ATAD5: variants seen among roughly 807,000 people sequenced by gnomAD.
The protein encoded by ATAD5 is ATPase family AAA domain-containing protein 5.
Under a neutral mutation model 176.9 loss-of-function variants are expected in ATAD5, and 58 were observed. The observed-to-expected ratio is 0.33, with a 90% CI of 0.27 to 0.41. The LOEUF is 0.41. ATAD5 is among the 10% of genes least tolerant of loss of function. ATAD5 has a pLI of 1.00. For missense variants in ATAD5, 1,789 were observed against 2,094.1 expected (o/e 0.85, Z 2.84); for synonymous variants, 640 against 712.6 (o/e 0.90, Z 1.62).
In ATAD5 at chr17:30,835,555, C is replaced by T; in HGVS notation, c.1474C>T (p.Pro492Ser). ...GAAAACATTAGATACTGGGGCTATT[C>T]CAGGCAAAAACAGAGAGGGAAACAC... ...NKKTLDTGAI[P>S]GKNREGNTQK... Residue 492 changes from proline (P) to serine (S), a missense_variant, in exon 2 of 23, where the codon CCA (proline) becomes TCA (serine). Coordinates refer to ENST00000321990, the MANE Select transcript of ATAD5 (RefSeq NM_024857.5). 6.2e-7 allele frequency: 1 copy of T among 1,611,264 alleles called. No homozygotes were observed.
intron 7 of ATAD5, among the ~76,000 whole-genome samples, chr17:30,855,758 C>G (rs553476524): frequency 6.7e-4 from 102 of 151,810 alleles, no homozygotes; most frequent in Non-Finnish European, 1.3e-3. Context: ...ACTCGGGAGG[C>G]TGAGGTGGGA....
At chr17:30,876,590 T>C in intron 15 of ATAD5, 40 bp downstream of exon 15, 1 of 1,320,746 alleles carries the variant, frequency 7.6e-7, no homozygotes. Flanking sequence ...TTTTTAATAA[T>C]AATGACCCTT....
chr17:30,845,932 G>A (rs1248294182), intron 6 of ATAD5, among the ~76,000 whole-genome samples: 1 of 152,168 alleles, frequency 6.6e-6, no homozygotes, highest in Non-Finnish European at 1.5e-5. Context: ...TAGTTTATGC[G>A]CCTGGGTGGC....
At chr17:30,852,575 A>G (rs1335723546) in intron 6 of ATAD5, among the ~76,000 whole-genome samples, 1 of 152,146 alleles carries the variant, frequency 6.6e-6, no homozygotes, top group Admixed American at 6.6e-5. Flanking sequence ...ATAGAGAAAA[A>G]GAGGTTTATT....
rs775323434 is a variant in ATAD5, at chr17:30,860,478, T to C, written c.3002T>C (p.Val1001Ala). The C allele has an allele frequency of 6.3e-7, 1 of 1,599,506 alleles. No homozygotes were observed. The change falls in exon 10 of 23, where the codon GTA (valine) becomes GCA (alanine). Residue 1001 changes from valine to alanine, a missense_variant. Transcript: ENST00000321990. ...CATAAAGAAACCAAAAGGAAACTCG[T>C]AGAAGCAGAAAATTCTAAGTCAAAA... ...VSHKETKRKLVEAENSKSKRK... is the reference protein window; with the variant it reads ...VSHKETKRKLAEAENSKSKRK...
intron 7 of ATAD5, 143 bp downstream of exon 7, chr17:30,855,470 T>A: frequency 1.1e-6 from 1 of 893,840 alleles, no homozygotes; most frequent in Non-Finnish European, 1.6e-6. Context: ...ACAATTTCTC[T>A]CACTATCCAT....
intron 14 of ATAD5, among the ~76,000 whole-genome samples, chr17:30,870,652 G>A (rs925976778): frequency 2.6e-5 from 4 of 152,158 alleles, no homozygotes; most frequent in African/African-American, 7.2e-5. Flanking sequence ...CACCAGAAAT[G>A]CTTCATTCAT....
chr17:30,848,415 A>G (rs146830267), intron 6 of ATAD5, among the ~76,000 whole-genome samples: 2,841 of 151,860 alleles, frequency 0.019, 107 homozygotes, highest in African/African-American at 0.065. Flanking sequence ...ATGCCCCACT[A>G]ATTTTTTGTA....
At chr17:30,850,057 C>G (rs1906773004) in intron 6 of ATAD5, among the ~76,000 whole-genome samples, 1 of 152,070 alleles carries the variant, frequency 6.6e-6, no homozygotes, top group Non-Finnish European at 1.5e-5. Context: ...AGGAGGATCA[C>G]ATGAGCCTGG....
intron 11 of ATAD5, among the ~76,000 whole-genome samples, chr17:30,867,010 G>A (rs1284429209): frequency 6.6e-6 from 1 of 151,654 alleles, no homozygotes; most frequent in East Asian, 1.9e-4. Flanking sequence ...AGTTAATAGC[G>A]TGAACTTGGT....
At chr17:30,894,272 A>C in intron 21 of ATAD5, 122 bp downstream of exon 21, 1 of 890,496 alleles carries the variant, frequency 1.1e-6, no homozygotes, top group South Asian at 2.1e-5. Flanking sequence ...TAACATTAAT[A>C]ATGTAGCTTC....
At chr17:30,869,118 G>A (rs1260553957) in intron 12 of ATAD5, 130 bp from the exon 13 acceptor site, 14 of 1,093,352 alleles carry the variant, frequency 1.3e-5, no homozygotes, top group Admixed American at 1.1e-4. Flanking sequence ...GTGCCACTGC[G>A]TCCGGCCTGT....
In ATAD5 at chr17:30,894,123, A is replaced by C. The variant is rs1567703047; in HGVS notation, c.5270A>C (p.Tyr1757Ser). 6.4e-7 allele frequency: 1 copy of C among 1,570,000 alleles called. No individual in the cohort carries two copies. The highest frequency in any genetic ancestry group is 8.6e-7 in the Non-Finnish European group (1 of 1,156,580). The change falls in exon 21 of 23, where the codon TAC becomes TCC. Residue 1757 changes from tyrosine (Y) to serine (S), a missense_variant. Transcript: ENST00000321990. ...FYVSQKRNNV[Y>S]FSQSAANLDN... is the part of the protein sequence containing the mutation. Reference sequence around the variant, plus strand: ...GTTTCACAAAAGCGCAATAATGTATACTTTAGTCAGTCAGCAGCTAATTTA... The same window carrying C: ...GTTTCACAAAAGCGCAATAATGTATCCTTTAGTCAGTCAGCAGCTAATTTA...
At chr17:30,894,182 T>C in intron 21 of ATAD5, 32 bp downstream of exon 21, 11 of 1,475,778 alleles carry the variant, frequency 7.5e-6, no homozygotes, top group Non-Finnish European at 9.9e-6. Context: ...TTTTATTTTT[T>C]GGTAATAAAT....
At position 30,876,424 on chromosome 17, in the gene ATAD5, C is replaced by T. The variant is rs145425613; in HGVS notation, c.3658C>T (p.Pro1220Ser). ...TGTTACATCACCAAGAAAAGTTCCTCCACCATCACCAAAAAGTAGTGGACC... is the reference window on the plus strand; with the variant it reads ...TGTTACATCACCAAGAAAAGTTCCTTCACCATCACCAAAAAGTAGTGGACC... Reference protein sequence around the residue: ...KVVTSPRKVPPPSPKSSGPKR... With the variant: ...KVVTSPRKVPSPSPKSSGPKR... The change falls in exon 15 of 23, where the codon CCA (proline) becomes TCA (serine). Residue 1220 changes from proline to serine, a missense_variant. By Grantham distance (74) the Pro-to-Ser change is moderately conservative. Coordinates refer to ENST00000321990, the MANE Select transcript of ATAD5 (RefSeq NM_024857.5). 1.3e-4 allele frequency: 215 copies of T among 1,606,346 alleles called. 1 individual carries two copies. Among genetic ancestry groups the T allele is most frequent in the Non-Finnish European group, 1.8e-4 (208 of 1,177,004 alleles).
intron 17 of ATAD5, among the ~76,000 whole-genome samples, 163 bp downstream of exon 17, chr17:30,878,259 C>T (rs116575252): frequency 1.9e-3 from 285 of 152,198 alleles, no homozygotes; most frequent in African/African-American, 6.7e-3. Flanking sequence ...AATTGGAGAA[C>T]AATCTCTAGA....
At position 30,879,320 on chromosome 17, in the gene ATAD5, G is replaced by A. The variant is rs531612651; in HGVS notation, c.4013-103G>A. ...CCACAGCACTAGGCAGTGGTGGGGAGGCGGGTGCTGAATATTTTCATAGAA... is the reference window on the plus strand; with the variant it reads ...CCACAGCACTAGGCAGTGGTGGGGAAGCGGGTGCTGAATATTTTCATAGAA... On this transcript the variant is annotated intron_variant, in intron 17 of 22. Transcript: ENST00000321990. 72 of 1,306,586 alleles carry A rather than the reference G, an allele frequency of 5.5e-5. 2 individuals are homozygous for A. The East Asian group carries it at 9.2e-4, about 17-fold the overall frequency. The allele number at this position is 1,306,586 out of a possible 1,614,324, so 80.9% of individuals were successfully genotyped here.
intron 19 of ATAD5, among the ~76,000 whole-genome samples, chr17:30,889,276 G>A (rs1332889022): frequency 2.0e-5 from 3 of 149,732 alleles, no homozygotes; most frequent in Non-Finnish European, 4.4e-5. Flanking sequence ...GGGCTCAAGC[G>A]ATACTCCTGT....
chr17:30,853,993 G>A (rs1907136216), intron 6 of ATAD5, among the ~76,000 whole-genome samples: 1 of 151,364 alleles, frequency 6.6e-6, no homozygotes, highest in South Asian at 2.1e-4. Flanking sequence ...GATAGCCCCT[G>A]TTAACATTTT....
Sources: allele counts gnomAD v4.1 joint callset (sites outside exome capture counted in the v4.1 genomes callset), GRCh38; gene constraint gnomAD v4.1.1; transcripts MANE v1.5; gene names NCBI Gene and HGNC (gene_info 2026-07-23, HGNC 2026-07-21).